ATXN7L1: variants seen among roughly 807,000 people sequenced by gnomAD.
ATXN7L1 encodes ataxin 7 like 1, also known as ataxin-7-like protein 1.
A neutral mutation model predicts 70.8 loss-of-function variants in ATXN7L1; 15 were observed. The observed-to-expected ratio is 0.21, with a 90% CI of 0.14 to 0.33. The LOEUF (loss-of-function observed/expected upper bound fraction) is 0.33, where lower values mean the gene tolerates loss of function less well. ATXN7L1 is among the 10% of genes least tolerant of loss of function. ATXN7L1 has a pLI of 1.00. For synonymous variants in ATXN7L1, 440 were observed against 445.1 expected (o/e 0.99, Z 0.14); for missense variants, 975 against 1,097.1 (o/e 0.89, Z 1.57).
In ATXN7L1 at chr7:105,712,606, CA is replaced by C. The variant is rs556876634; in HGVS notation, c.356-47319del. Among the ~76,000 whole-genome samples the C allele has an allele frequency of 1.1e-4, 16 of 152,310 alleles. No homozygotes were observed. The South Asian group carries it at 1.9e-3, about 18-fold the overall frequency. ...TTCAAAGTTCCACAGATCCCTAGGG[CA>C]GGGGGGAAATGCTGCCAGTCTCTTT... On this transcript the variant is annotated intron_variant, in intron 3 of 11. Transcript: ENST00000419735.
chr7:105,679,843 A>C (rs1405017752), intron 3 of ATXN7L1, among the ~76,000 whole-genome samples: 1 of 152,122 alleles, frequency 6.6e-6, no homozygotes, highest in Admixed American at 6.6e-5. Context: ...TGATGGTTGC[A>C]CAACATTGTG....
chr7:105,857,827 ACAAG>A (rs1815957847), intron 2 of ATXN7L1, among the ~76,000 whole-genome samples: 1 of 152,180 alleles, frequency 6.6e-6, no homozygotes, highest in South Asian at 2.1e-4. Flanking sequence ...TTCACACTAT[ACAAG>A]CATCTTCTTG....
chr7:105,623,558 AAC>A (rs1010322485), intron 8 of ATXN7L1, among the ~76,000 whole-genome samples: 1 of 152,168 alleles, frequency 6.6e-6, no homozygotes, highest in Non-Finnish European at 1.5e-5. Context: ...TCTTTCCTTC[AAC>A]ACACACACAC....
At position 105,620,437 on chromosome 7, in the gene ATXN7L1, G is replaced by C; in HGVS notation, c.1396-116C>G. Reference sequence around the variant, plus strand: ...CAAGGGCACAGTTTTACTCAAAGAAGCAAACCGTACTGAAGCCAAAAATAC... The same window carrying C: ...CAAGGGCACAGTTTTACTCAAAGAACCAAACCGTACTGAAGCCAAAAATAC... On this transcript the variant is annotated intron_variant, in intron 8 of 11. Coordinates refer to ENST00000419735, the MANE Select transcript of ATXN7L1 (RefSeq NM_020725.2). The C allele has an allele frequency of 2.5e-6, 3 of 1,189,048 alleles. No individual in the cohort carries two copies. In the South Asian group the frequency reaches 5.0e-5, roughly 20 times the overall value. The allele number at this position is 1,189,048 out of a possible 1,614,324, so 73.7% of individuals were successfully genotyped here. A position where few individuals can be genotyped will look rare whatever the true frequency, so the allele number is the denominator to read the frequency against.
At chr7:105,723,002 A>T (rs151101801) in intron 3 of ATXN7L1, among the ~76,000 whole-genome samples, 89 of 152,240 alleles carry the variant, frequency 5.8e-4, no homozygotes, top group African/African-American at 2.1e-3. Flanking sequence ...CTTGGAGTCA[A>T]GAGTTTAAGA....
intron 3 of ATXN7L1, chr7:105,788,071 T>A (rs535099920): frequency 6.5e-6 from 1 of 153,760 alleles, no homozygotes; most frequent in African/African-American, 2.4e-5. Flanking sequence ...CGGAAAGCAG[T>A]TCCCAACCCC....
At chr7:105,771,307 T>C (rs1801979011) in intron 3 of ATXN7L1, among the ~76,000 whole-genome samples, 1 of 151,956 alleles carries the variant, frequency 6.6e-6, no homozygotes, top group South Asian at 2.1e-4. Flanking sequence ...ATATGCACAG[T>C]AAAGTTTTGA....
At chr7:105,674,272 C>T (rs144410015) in intron 3 of ATXN7L1, among the ~76,000 whole-genome samples, 400 of 152,304 alleles carry the variant, frequency 2.6e-3, no homozygotes, top group African/African-American at 9.1e-3. Context: ...AATCCCTAGG[C>T]TCTGGGATGG....
chr7:105,874,672 T>C (rs903889220), intron 2 of ATXN7L1, among the ~76,000 whole-genome samples: 1 of 152,360 alleles, frequency 6.6e-6, no homozygotes, highest in Admixed American at 6.5e-5. Context: ...TTATTTTTTC[T>C]GAAGCACAAA....
intron 3 of ATXN7L1, among the ~76,000 whole-genome samples, chr7:105,681,469 C>T (rs1353628588): frequency 6.6e-6 from 1 of 152,184 alleles, no homozygotes; most frequent in African/African-American, 2.4e-5. Flanking sequence ...TAAAATGGTA[C>T]AGCCACTATG....
intron 3 of ATXN7L1, among the ~76,000 whole-genome samples, chr7:105,758,952 G>A (rs889635381): frequency 2.7e-4 from 41 of 152,142 alleles, no homozygotes; most frequent in Non-Finnish European, 5.3e-4. Flanking sequence ...AGCCATCCCT[G>A]CGGAAGGGGG....
chr7:105,841,598 G>A (rs1054012556), intron 2 of ATXN7L1, among the ~76,000 whole-genome samples: 3 of 151,820 alleles, frequency 2.0e-5, no homozygotes, highest in African/African-American at 4.8e-5. Flanking sequence ...ACTTAGTAGC[G>A]TCTCAGTCAT....
intron 3 of ATXN7L1, among the ~76,000 whole-genome samples, chr7:105,688,430 C>T (rs538197146): frequency 6.6e-6 from 1 of 152,208 alleles, no homozygotes; most frequent in East Asian, 1.9e-4. Flanking sequence ...GTAGCCCCAG[C>T]TACTTGGGAG....
At chr7:105,669,636 T>G (rs1289772355) in intron 3 of ATXN7L1, among the ~76,000 whole-genome samples, 1 of 151,916 alleles carries the variant, frequency 6.6e-6, no homozygotes, top group Non-Finnish European at 1.5e-5. Context: ...ATATAAGAAT[T>G]TAAAGGCCCA....
chr7:105,670,689 C>T (rs1187771227), intron 3 of ATXN7L1, among the ~76,000 whole-genome samples: 1 of 151,026 alleles, frequency 6.6e-6, no homozygotes, highest in Non-Finnish European at 1.5e-5. Context: ...TTTGGCCGGG[C>T]GTGGTGGCTG....
intron 2 of ATXN7L1, among the ~76,000 whole-genome samples, chr7:105,874,877 C>G (rs1382871566): frequency 6.6e-6 from 1 of 152,172 alleles, no homozygotes; most frequent in Non-Finnish European, 1.5e-5. Flanking sequence ...ACCAATGCAC[C>G]TATGGCCTAC....
intron 3 of ATXN7L1, among the ~76,000 whole-genome samples, chr7:105,733,561 TC>T (rs1796877766): frequency 1.2e-4 from 6 of 48,138 alleles, no homozygotes; most frequent in African/African-American, 3.0e-4. Flanking sequence ...CATCCACCCA[TC>T]CATCCTTCCA....
intron 2 of ATXN7L1, among the ~76,000 whole-genome samples, chr7:105,854,521 C>A (rs1815416082): frequency 1.7e-5 from 1 of 59,388 alleles, no homozygotes; most frequent in African/African-American, 7.1e-5. Context: ...ACCCCAGACC[C>A]TTATAGAGGA....
chr7:105,622,574 A>G (rs1181054487), intron 8 of ATXN7L1, among the ~76,000 whole-genome samples: 2 of 152,146 alleles, frequency 1.3e-5, no homozygotes, highest in East Asian at 3.9e-4. Flanking sequence ...ACAGAACCAC[A>G]CTTTTATTCT....
Sources: allele counts gnomAD v4.1 joint callset (sites outside exome capture counted in the v4.1 genomes callset), GRCh38; gene constraint gnomAD v4.1.1; transcripts MANE v1.5; gene names NCBI Gene and HGNC (gene_info 2026-07-23, HGNC 2026-07-21).